Variants in DHRS4 observed in about 807,000 individuals in gnomAD.
The protein encoded by DHRS4 is dehydrogenase/reductase 4.
In DHRS4, 20 loss-of-function variants were observed where a neutral mutation model predicts 28.4. That is an observed-to-expected ratio of 0.71 (90% confidence interval 0.50 to 1.02). The LOEUF is 1.02. Among genes scored for constraint, DHRS4 ranks in the 50% least tolerant of loss-of-function variants. DHRS4 has a pLI of 0.00. For missense variants in DHRS4, 378 were observed against 367.2 expected (o/e 1.03, Z -0.24); for synonymous variants, 144 against 146.4 (o/e 0.98, Z 0.12).
In DHRS4 at chr14:23,961,810, G is replaced by A. The variant is rs1351109112; in HGVS notation, c.408+1807G>A. ...TTGCAGGCATGAGCCACCACACACA[G>A]CCAGATTCTGATAGTCTTTAAAATA... On this transcript the variant is annotated intron_variant, in intron 3 of 7. Coordinates refer to ENST00000313250, the MANE Select transcript of DHRS4 (RefSeq NM_021004.4). Among the ~76,000 whole-genome samples the A allele has an allele frequency of 1.4e-5, 2 of 141,710 alleles. 1 individual carries two copies. The highest frequency in any genetic ancestry group is 1.4e-4 in the Admixed American group (2 of 14,116). The allele number at this position is 141,710 out of a possible 152,430, so 93.0% of individuals were successfully genotyped here.
rs138007523 is a variant in DHRS4, at chr14:23,968,865, C to T, written c.831C>T (p.Arg277=). 2.1e-4 allele frequency: 339 copies of T among 1,606,786 alleles called. 1 individual carries two copies. In the African/African-American group the frequency reaches 3.4e-3, roughly 16 times the overall value. ...TVVVGGGTPS[R]L ...TGGTGGGTGGAGGAACCCCGTCCCG[C>T]CTCTGAGGACCGGGAGACAGCCCAC... Residue 277 remains arginine (R), a synonymous_variant, in exon 8 of 8, where the codon CGC becomes CGT. Transcript: ENST00000313250.
chr14:23,958,314 A>C (rs1483109678), intron 2 of DHRS4, among the ~76,000 whole-genome samples: 2 of 152,332 alleles, frequency 1.3e-5, no homozygotes, highest in East Asian at 3.9e-4. Context: ...GATGGTGTAC[A>C]TTGTTAGTAA....
intron 1 of DHRS4, among the ~76,000 whole-genome samples, chr14:23,954,402 T>C (rs935625239): frequency 6.6e-6 from 1 of 152,178 alleles, no homozygotes; most frequent in South Asian, 2.1e-4. Flanking sequence ...GGTCGGTACA[T>C]CTGGGCCGAC....
In DHRS4 at chr14:23,956,882, C is replaced by T. The variant is rs573386723; in HGVS notation, c.306+1670C>T. 4.6e-5 allele frequency among the ~76,000 whole-genome samples: 7 copies of T among 152,248 alleles called. No homozygotes were observed. The South Asian group carries it at 1.4e-3, about 32-fold the overall frequency. ...CCTCCCAATGTGCTGGGATTACAGG[C>T]GTGAGCCACTGTGCCCGGCCATAGC... On this transcript the variant is annotated intron_variant, in intron 2 of 7. Transcript: ENST00000313250.
chr14:23,955,416 A>T (rs929473709), intron 2 of DHRS4, among the ~76,000 whole-genome samples: 1 of 152,056 alleles, frequency 6.6e-6, no homozygotes, highest in Non-Finnish European at 1.5e-5. Context: ...TCCCTTGAGT[A>T]CCCCAAAGAA....
In DHRS4 at chr14:23,967,243, G is replaced by A; in HGVS notation, c.699G>A (p.Met233Ile). ...TGGACAAGGAAAAAGAGGAAAGCAT[G>A]AAAGAAACCCTGCGGATAAGAAGGT... Reference protein sequence around the residue: ...LWMDKEKEESMKETLRIRRLG... With the variant: ...LWMDKEKEESIKETLRIRRLG... Residue 233 changes from methionine to isoleucine, a missense_variant, in exon 7 of 8, where the codon ATG becomes ATA. Coordinates refer to ENST00000313250, the MANE Select transcript of DHRS4 (RefSeq NM_021004.4). 1 of 1,613,100 alleles carries A rather than the reference G, an allele frequency of 6.2e-7. No individual in the cohort carries two copies. The highest frequency in any genetic ancestry group is 8.5e-7 in the Non-Finnish European group (1 of 1,179,628).
At chr14:23,955,257 G>C in intron 2 of DHRS4, 45 bp downstream of exon 2, 1 of 1,561,686 alleles carries the variant, frequency 6.4e-7, no homozygotes, top group Non-Finnish European at 8.7e-7. Flanking sequence ...GTGGAAAACG[G>C]AGCCAGCCTG....
intron 7 of DHRS4, chr14:23,967,881 G>A: frequency 1.3e-5 from 1 of 75,368 alleles, no homozygotes; most frequent in East Asian, 1.6e-4. Flanking sequence ...TGAGACATGA[G>A]CTGCAGGCCT....
At position 23,966,411 on chromosome 14, in the gene DHRS4, C is replaced by T. The variant is rs1170457619; in HGVS notation, c.660C>T (p.Ser220=). 2 of 1,613,588 alleles carry T rather than the reference C, an allele frequency of 1.2e-6. No homozygotes were observed. The highest frequency in any genetic ancestry group is 1.7e-6 in the Non-Finnish European group (2 of 1,179,894). The stretch of plus-strand genomic sequence containing the variant: ...CTGGACTTATCAAGACTAGCTTCAG[C>T]AGGATGGTGAGGAAGGGGAGCTTTG... The part of the protein sequence containing the change: ...LAPGLIKTSF[S]RMLWMDKEKE... Residue 220 remains serine, a synonymous_variant, in exon 6 of 8, where the codon AGC becomes AGT. Transcript: ENST00000313250.
At chr14:23,961,456 G>T (rs1269593529) in intron 3 of DHRS4, among the ~76,000 whole-genome samples, 1 of 127,106 alleles carries the variant, frequency 7.9e-6, no homozygotes. Flanking sequence ...ACTACCCAGA[G>T]ATTTGCTGCT....
intron 2 of DHRS4, among the ~76,000 whole-genome samples, chr14:23,956,923 G>A (rs1324919765): frequency 1.3e-5 from 2 of 152,102 alleles, no homozygotes; most frequent in Non-Finnish European, 2.9e-5. Context: ...AAAAGGATAC[G>A]TTAAGGACCT....
Position 23,968,740 on chromosome 14 carries a change from C to T in DHRS4, c.723-17C>T. On this transcript the variant is annotated splice_polypyrimidine_tract_variant and intron_variant, in intron 7 of 7. Transcript: ENST00000313250. ...TGTTTGATTTTTACCTCCTTCCTTG[C>T]TTCCCTTATTCCCCAGGTTAGGCGA... The T allele has an allele frequency of 6.2e-7, 1 of 1,605,008 alleles. No homozygotes were observed. Among genetic ancestry groups the T allele is most frequent in the Non-Finnish European group, 8.5e-7 (1 of 1,176,136 alleles).
In DHRS4 at chr14:23,965,742, C is replaced by A; in HGVS notation, c.409-20C>A. On this transcript the variant is annotated intron_variant, in intron 3 of 7. Coordinates refer to ENST00000313250, the MANE Select transcript of DHRS4 (RefSeq NM_021004.4). ...AGTGCTCTTCACTCATGCTGTTTCC[C>A]CTTCTTCTCTTGGCTTCAGACTCTG... 6.3e-7 allele frequency: 1 copy of A among 1,585,124 alleles called. No homozygotes were observed. Among genetic ancestry groups the A allele is most frequent in the Non-Finnish European group, 8.6e-7 (1 of 1,158,654 alleles).
At position 23,965,778 on chromosome 14, in the gene DHRS4, T is replaced by G. The variant is rs751230541; in HGVS notation, c.425T>G (p.Val142Gly). Residue 142 changes from valine (V) to glycine (G), a missense_variant, in exon 4 of 8, where the codon GTG (valine) becomes GGG (glycine). Transcript: ENST00000313250. ...TGGCTTCAGACTCTGGACATTAATG[T>G]GAAGGCCCCAGCCCTGATGACAAAG... ...EVWDKTLDINVKAPALMTKAV... is the reference protein window; with the variant it reads ...EVWDKTLDINGKAPALMTKAV... 6.2e-7 allele frequency: 1 copy of G among 1,604,680 alleles called. No homozygotes were observed. Among genetic ancestry groups the G allele is most frequent in the East Asian group, 2.3e-5 (1 of 44,320 alleles).
intron 5 of DHRS4, 121 bp from the exon 6 acceptor site, chr14:23,966,162 T>C (rs1378067074): frequency 1.9e-6 from 3 of 1,577,366 alleles, no homozygotes; most frequent in Non-Finnish European, 2.6e-6. Context: ...CACAAGACAG[T>C]TCCCTAACTC....
chr14:23,957,535 G>A (rs1285940535), intron 2 of DHRS4, among the ~76,000 whole-genome samples: 1 of 149,970 alleles, frequency 6.7e-6, no homozygotes, highest in East Asian at 2.0e-4. Context: ...ACACAATTTA[G>A]AATAAGACTT....
chr14:23,966,229 G>C (rs1237263341), intron 5 of DHRS4, 54 bp from the exon 6 acceptor site: 7 of 1,584,554 alleles, frequency 4.4e-6, no homozygotes, highest in African/African-American at 1.4e-5. Flanking sequence ...CTAGTTATTA[G>C]AACCAAGAAT....
chr14:23,956,183 A>C (rs1465628741), intron 2 of DHRS4, among the ~76,000 whole-genome samples: 1 of 152,248 alleles, frequency 6.6e-6, no homozygotes, highest in East Asian at 1.9e-4. Flanking sequence ...CACAAATGTG[A>C]GTCCAAAAAA....
chr14:23,966,362 A>C lies in DHRS4; in HGVS notation c.611A>C (p.Asn204Thr). The change falls in exon 6 of 8, where the codon AAC (asparagine) becomes ACC (threonine). Residue 204 changes from asparagine (N) to threonine (T), a missense_variant. Transcript: ENST00000313250. ...CTGGCCATAGAGCTGGCCCCAAGGAACATTAGGGTGAACTGCCTAGCACCT... is the reference window on the plus strand; with the variant it reads ...CTGGCCATAGAGCTGGCCCCAAGGACCATTAGGGTGAACTGCCTAGCACCT... ...KTLAIELAPR[N>T]IRVNCLAPGL... 1 of 1,614,064 alleles carries C rather than the reference A, an allele frequency of 6.2e-7. No individual in the cohort carries two copies.
Sources: gnomAD v4.1 joint callset for allele counts (sites outside exome capture counted in the v4.1 genomes callset) on GRCh38, gnomAD v4.1.1 for gene constraint, MANE v1.5 for transcripts, NCBI Gene and HGNC (gene_info 2026-07-23, HGNC 2026-07-21) for gene names.